Variants in PAPOLB observed in about 807,000 individuals in gnomAD.
PAPOLB encodes the protein PAP-beta.
In PAPOLB, 19 loss-of-function variants were observed where a neutral mutation model predicts 23.2. The observed-to-expected ratio is 0.82, with a 90% CI of 0.57 to 1.20. The LOEUF is 1.20. Ranked by LOEUF, PAPOLB falls within the 50% of genes most tolerant of loss-of-function variation. PAPOLB has a pLI of 0.00. For synonymous variants in PAPOLB, 360 were observed against 290.7 expected (o/e 1.24, Z -2.43); for missense variants, 822 against 776.8 (o/e 1.06, Z -0.69).
chr7:4,860,770 A>T lies in PAPOLB; in HGVS notation c.1041T>A (p.Ala347=). ...TACTTAGCAAAATCTCGTGTGTGAT[A>T]GCAAGCCCCTGTTTAAACTCCTCAA... ...VMIEEFKQGL[A]ITHEILLSKA... Residue 347 remains alanine, a synonymous_variant, in exon 1 of 1, where the codon GCT becomes GCA. Transcript: ENST00000404991. 3 of 1,614,208 alleles carry T rather than the reference A, an allele frequency of 1.9e-6. No homozygotes were observed. Among genetic ancestry groups the T allele is most frequent in the Non-Finnish European group, 1.7e-6 (2 of 1,180,046 alleles).
rs1281495846 is a variant in PAPOLB at position 4,860,235 on chromosome 7, A to G, written c.1576T>C (p.Leu526=). ...LTDLNDSSFD[L]SAGCENSMSV... The stretch of plus-strand genomic sequence containing the variant: ...ATGCTGTTTTCACAGCCTGCAGACA[A>G]GTCAAAGCTGCTGTCGTTCAAATCT... Residue 526 remains leucine (L), a synonymous_variant, in exon 1 of 1, where the codon TTG becomes CTG. Transcript: ENST00000404991. 1 of 1,614,006 alleles carries G rather than the reference A, an allele frequency of 6.2e-7. No individual in the cohort carries two copies. The highest frequency in any genetic ancestry group is 8.5e-7 in the Non-Finnish European group (1 of 1,179,900).
chr7:4,859,242 T>G lies in PAPOLB; in HGVS notation c.*655A>C, dbSNP rs1783910739. ...AAACCTCTTCAGGGAAAAATAAAATTCACCAATTTGAAAAATCTAAAATTA... is the reference window on the plus strand; with the variant it reads ...AAACCTCTTCAGGGAAAAATAAAATGCACCAATTTGAAAAATCTAAAATTA... On this transcript the variant is annotated 3_prime_UTR_variant, in exon 1 of 1. Transcript: ENST00000404991. 1 of 152,680 alleles carries G rather than the reference T, an allele frequency of 6.5e-6. No homozygotes were observed. The highest frequency in any genetic ancestry group is 1.5e-5 in the Non-Finnish European group (1 of 68,090). 9.5% of individuals were successfully genotyped at this position (152,680 alleles called of 1,614,324 possible).
Position 4,860,925 on chromosome 7 carries a change from G to T in PAPOLB, c.886C>A (p.Leu296Ile), listed in dbSNP as rs566900862. 175 of 1,614,252 alleles carry T rather than the reference G, an allele frequency of 1.1e-4. No homozygotes were observed. Among genetic ancestry groups the T allele is most frequent in the Admixed American group, 6.8e-4 (41 of 60,024 alleles). ...VLLKEPEERNLNLPVWDPRVN... is the reference protein window; with the variant it reads ...VLLKEPEERNINLPVWDPRVN... ...CTTGGGTCCCATACAGGCAAATTAAGATTCCGTTCTTCAGGCTCCTTCAGT... is the reference window on the plus strand; with the variant it reads ...CTTGGGTCCCATACAGGCAAATTAATATTCCGTTCTTCAGGCTCCTTCAGT... The change falls in exon 1 of 1, where the codon CTT becomes ATT. Residue 296 changes from leucine to isoleucine, a missense_variant. Around this residue, in one of 3 missense-constraint regions of PAPOLB, gnomAD observed 534 missense variants for 502.8 expected, o/e 1.06. Coordinates refer to ENST00000404991, the MANE Select transcript of PAPOLB (RefSeq NM_020144.5).
Position 4,860,297 on chromosome 7 carries a change from T to C in PAPOLB, c.1514A>G (p.Asp505Gly). 1 of 1,614,002 alleles carries C rather than the reference T, an allele frequency of 6.2e-7. No individual in the cohort carries two copies. The highest frequency in any genetic ancestry group is 8.5e-7 in the Non-Finnish European group (1 of 1,179,876). Reference sequence around the variant, plus strand: ...ACCTTCTGTTGAGTGTGCTTTCTTGTCCTGAAGCACATGATGAGGCAGCAG... The same window carrying C: ...ACCTTCTGTTGAGTGTGCTTTCTTGCCCTGAAGCACATGATGAGGCAGCAG... ...HQLLPHHVLQ[D>G]KKAHSTEGRR... Residue 505 changes from aspartate to glycine, a missense_variant, in exon 1 of 1, where the codon GAC becomes GGC. Asp to Gly is a moderately conservative substitution (Grantham distance 94). This residue lies in a region of PAPOLB where 534 missense variants were observed against 502.8 expected (regional missense o/e 1.06). Transcript: ENST00000404991.
chr7:4,861,698 A>C lies in PAPOLB; in HGVS notation c.113T>G (p.Leu38Arg), dbSNP rs1204721569. 1 of 1,578,196 alleles carries C rather than the reference A, an allele frequency of 6.3e-7. No homozygotes were observed. Among genetic ancestry groups the C allele is most frequent in the Admixed American group, 1.9e-5 (1 of 53,148 alleles). The change falls in exon 1 of 1, where the codon CTC (leucine) becomes CGC (arginine). Residue 38 changes from leucine to arginine, a missense_variant. Coordinates refer to ENST00000404991, the MANE Select transcript of PAPOLB (RefSeq NM_020144.5). ...GGTTTCTATTAGCCTCTGGGTGAGG[A>C]GGCAGTCCGTCTCCTTGGGGACCGC... ...SLAVPKETDC[L>R]LTQRLIETLR...
rs1485719437 is a variant in PAPOLB at position 4,860,549 on chromosome 7, G to C, written c.1262C>G (p.Ser421Ter). Residue 421 changes from serine to a stop codon, truncating the protein, a stop_gained, in exon 1 of 1, where the codon TCA (serine) becomes TGA (stop). Transcript: ENST00000404991. LOFTEE classifies it low-confidence loss of function (END_TRUNC). ...AGGATTTTCTTTGGGTGCTGGAAAT[G>C]ACTGTGGATTCACATGTGCCAGTGT... The part of the protein sequence containing the change: ...FITLAHVNPQ[S>*]FPAPKENPDM... 6.2e-7 allele frequency: 1 copy of C among 1,614,168 alleles called. No homozygotes were observed. Among genetic ancestry groups the C allele is most frequent in the Non-Finnish European group, 8.5e-7 (1 of 1,180,006 alleles).
At position 4,861,388 on chromosome 7, in the gene PAPOLB, C is replaced by T. The variant is rs749219869; in HGVS notation, c.423G>A (p.Gln141=). The change falls in exon 1 of 1, where the codon CAG becomes CAA. Residue 141 remains glutamine, a synonymous_variant. Coordinates refer to ENST00000404991, the MANE Select transcript of PAPOLB (RefSeq NM_020144.5). ...FTSFYAKLKL[Q]EEVKDLRAVE... ...CAGCCCTTAAATCTTTCACTTCCTC[C>T]TGTAGTTTCAGTTTAGCATAGAATG... 2.5e-6 allele frequency: 4 copies of T among 1,614,106 alleles called. No individual in the cohort carries two copies. Among genetic ancestry groups the T allele is most frequent in the Non-Finnish European group, 8.5e-7 (1 of 1,180,034 alleles).
At position 4,860,292 on chromosome 7, in the gene PAPOLB, T is replaced by G. The variant is rs1185876598; in HGVS notation, c.1519A>C (p.Lys507Gln). Residue 507 changes from lysine (K) to glutamine (Q), a missense_variant, in exon 1 of 1, where the codon AAA becomes CAA. This residue lies in a region of PAPOLB where 534 missense variants were observed against 502.8 expected (regional missense o/e 1.06). Transcript: ENST00000404991. ...LLPHHVLQDK[K>Q]AHSTEGRRLT... ...CTTCTACCTTCTGTTGAGTGTGCTT[T>G]CTTGTCCTGAAGCACATGATGAGGC... 1 of 1,613,828 alleles carries G rather than the reference T, an allele frequency of 6.2e-7. No individual in the cohort carries two copies. The highest frequency in any genetic ancestry group is 8.5e-7 in the Non-Finnish European group (1 of 1,179,830).
In PAPOLB at chr7:4,860,185, A is replaced by C. The variant is rs754161589; in HGVS notation, c.1626T>G (p.Thr542=). The C allele has an allele frequency of 6.2e-7, 1 of 1,614,052 alleles. No individual in the cohort carries two copies. Among genetic ancestry groups the C allele is most frequent in the Admixed American group, 1.7e-5 (1 of 60,026 alleles). Residue 542 remains threonine (T), a synonymous_variant, in exon 1 of 1, where the codon ACT becomes ACG. Coordinates refer to ENST00000404991, the MANE Select transcript of PAPOLB (RefSeq NM_020144.5). ...TGCTAATCAATGGGCCTGTCTTCATAGTGCTAGTAGATGAAGGCACAGACA... is the reference window on the plus strand; with the variant it reads ...TGCTAATCAATGGGCCTGTCTTCATCGTGCTAGTAGATGAAGGCACAGACA... ...NSMSVPSSTS[T]MKTGPLISSS... is the part of the protein sequence containing the mutation.
Position 4,861,377 on chromosome 7 carries a change from T to C in PAPOLB, c.434A>G (p.Lys145Arg), listed in dbSNP as rs1403283915. 1 of 1,614,202 alleles carries C rather than the reference T, an allele frequency of 6.2e-7. No homozygotes were observed. Among genetic ancestry groups the C allele is most frequent in the East Asian group, 2.2e-5 (1 of 44,892 alleles). Residue 145 changes from lysine (K) to arginine (R), a missense_variant, in exon 1 of 1, where the codon AAA becomes AGA. Physicochemically the swap from Lys to Arg is conservative, Grantham distance 26. This residue lies in a region of PAPOLB where 276 missense variants were observed against 243.9 expected (regional missense o/e 1.13). Transcript: ENST00000404991. ...TGCCTCCTCGACAGCCCTTAAATCTTTCACTTCCTCCTGTAGTTTCAGTTT... is the reference window on the plus strand; with the variant it reads ...TGCCTCCTCGACAGCCCTTAAATCTCTCACTTCCTCCTGTAGTTTCAGTTT... ...YAKLKLQEEVKDLRAVEEAFV... is the reference protein window; with the variant it reads ...YAKLKLQEEVRDLRAVEEAFV...
In PAPOLB at chr7:4,859,805, T is replaced by C. The variant is rs553141241; in HGVS notation, c.*92A>G. 1 of 742,252 alleles carries C rather than the reference T, an allele frequency of 1.3e-6. No homozygotes were observed. The highest frequency in any genetic ancestry group is 1.8e-5 in the African/African-American group (1 of 56,548). The allele number at this position is 742,252 out of a possible 1,614,324, so 46.0% of individuals were successfully genotyped here. A position where few individuals can be genotyped will look rare whatever the true frequency, so the allele number is the denominator to read the frequency against. ...GCTGTCTGAATTTTTCTAATGGAGT[T>C]GTACTTGTCTTTGTATTGAGTTTCT... On this transcript the variant is annotated 3_prime_UTR_variant, in exon 1 of 1. Transcript: ENST00000404991.
In PAPOLB at chr7:4,861,724, T is replaced by C; in HGVS notation, c.87A>G (p.Leu29=). The change falls in exon 1 of 1, where the codon CTA becomes CTG. Residue 29 remains leucine, a synonymous_variant. Coordinates refer to ENST00000404991, the MANE Select transcript of PAPOLB (RefSeq NM_020144.5). ...GGCAGTCCGTCTCCTTGGGGACCGC[T>C]AGACTGATAGGCGAGGAGACGCCGT... The part of the protein sequence containing the change: ...NRYGVSSPIS[L]AVPKETDCLL... The C allele has an allele frequency of 1.3e-6, 2 of 1,540,592 alleles. No homozygotes were observed. The highest frequency in any genetic ancestry group is 1.4e-5 in the African/African-American group (1 of 72,142).
In PAPOLB at chr7:4,861,183, C is replaced by G. The variant is rs1210019378; in HGVS notation, c.628G>C (p.Glu210Gln). The G allele has an allele frequency of 6.2e-7, 1 of 1,614,246 alleles. No homozygotes were observed. The highest frequency in any genetic ancestry group is 8.5e-7 in the Non-Finnish European group (1 of 1,180,030). The change falls in exon 1 of 1, where the codon GAA becomes CAA. Residue 210 changes from glutamate to glutamine, a missense_variant. Physicochemically the swap from Glu to Gln is conservative, Grantham distance 29. Coordinates refer to ENST00000404991, the MANE Select transcript of PAPOLB (RefSeq NM_020144.5). ...RSLNGCRVTD[E>Q]ILHLVPNIDN... ...ATGTTTGGCACTAGATGTAAAATTT[C>G]ATCGGTTACCCGGCAACCATTAAGG...
rs745629302 is a variant in PAPOLB at position 4,861,367 on chromosome 7, C to T, written c.444G>A (p.Arg148=). ...CTGGCACAAATGCCTCCTCGACAGC[C>T]CTTAAATCTTTCACTTCCTCCTGTA... ...LKLQEEVKDL[R]AVEEAFVPVI... The change falls in exon 1 of 1, where the codon AGG becomes AGA. Residue 148 remains arginine (R), a synonymous_variant. Coordinates refer to ENST00000404991, the MANE Select transcript of PAPOLB (RefSeq NM_020144.5). The T allele has an allele frequency of 3.1e-6, 5 of 1,614,030 alleles. No homozygotes were observed. The East Asian group carries it at 6.7e-5, about 22-fold the overall frequency.
In PAPOLB at chr7:4,858,437, T is replaced by C. The variant is rs1006698816; in HGVS notation, c.*1460A>G. On this transcript the variant is annotated 3_prime_UTR_variant, in exon 1 of 1. Transcript: ENST00000404991. ...ATGAGATTTTTTTTAACTTAAAGTA[T>C]TGCTGATCTTTTGTAGACTAAAAGA... The C allele has an allele frequency of 6.6e-6, 1 of 152,572 alleles. No individual in the cohort carries two copies. The highest frequency in any genetic ancestry group is 1.5e-5 in the Non-Finnish European group (1 of 68,030). 9.5% of individuals were successfully genotyped at this position (152,572 alleles called of 1,614,324 possible). A position where few individuals can be genotyped will look rare whatever the true frequency, so the allele number is the denominator to read the frequency against.
chr7:4,861,072 C>G lies in PAPOLB; in HGVS notation c.739G>C (p.Gly247Arg). Residue 247 changes from glycine to arginine, a missense_variant, in exon 1 of 1, where the codon GGT becomes CGT. Around this residue, in one of 3 missense-constraint regions of PAPOLB, gnomAD observed 534 missense variants for 502.8 expected, o/e 1.06. Coordinates refer to ENST00000404991, the MANE Select transcript of PAPOLB (RefSeq NM_020144.5). The stretch of plus-strand genomic sequence containing the variant: ...GCTACTAGCATGGCCCAGGAAACAC[C>G]TCCGAGGAAACCTAATATATTGGAA... ...IYSNILGFLG[G>R]VSWAMLVART... The G allele has an allele frequency of 6.2e-7, 1 of 1,614,234 alleles. No homozygotes were observed. The highest frequency in any genetic ancestry group is 8.5e-7 in the Non-Finnish European group (1 of 1,180,040).
Position 4,861,754 on chromosome 7 carries a change from A to G in PAPOLB, c.57T>C (p.Asn19=). 1 of 1,491,002 alleles carries G rather than the reference A, an allele frequency of 6.7e-7. No homozygotes were observed. Among genetic ancestry groups the G allele is most frequent in the Non-Finnish European group, 8.9e-7 (1 of 1,122,028 alleles). The allele number at this position is 1,491,002 out of a possible 1,614,324, so 92.4% of individuals were successfully genotyped here. The change falls in exon 1 of 1, where the codon AAT becomes AAC. Residue 19 remains asparagine (N), a synonymous_variant. Coordinates refer to ENST00000404991, the MANE Select transcript of PAPOLB (RefSeq NM_020144.5). ...TGATAGGCGAGGAGACGCCGTAGCGATTCGGCGGCGGCGCCGGCTGCGGTG... is the reference window on the plus strand; with the variant it reads ...TGATAGGCGAGGAGACGCCGTAGCGGTTCGGCGGCGGCGCCGGCTGCGGTG... ...QGPPQPAPPP[N]RYGVSSPISL...
chr7:4,859,530 G>A lies in PAPOLB; in HGVS notation c.*367C>T, dbSNP rs1783920480. On this transcript the variant is annotated 3_prime_UTR_variant, in exon 1 of 1. Coordinates refer to ENST00000404991, the MANE Select transcript of PAPOLB (RefSeq NM_020144.5). Reference sequence around the variant, plus strand: ...TGGACTTCTGATCAAGACTGGCTCAGTAAAGGAAGTTACCAAATGAGCCTC... The same window carrying A: ...TGGACTTCTGATCAAGACTGGCTCAATAAAGGAAGTTACCAAATGAGCCTC... 9.7e-6 allele frequency: 2 copies of A among 207,184 alleles called. No individual in the cohort carries two copies. The highest frequency in any genetic ancestry group is 2.0e-5 in the Non-Finnish European group (2 of 102,200). The allele number at this position is 207,184 out of a possible 1,614,324, so 12.8% of individuals were successfully genotyped here.
chr7:4,861,553 A>C lies in PAPOLB; in HGVS notation c.258T>G (p.Leu86=). The C allele has an allele frequency of 6.2e-7, 1 of 1,614,048 alleles. No homozygotes were observed. The change falls in exon 1 of 1, where the codon CTT becomes CTG. Residue 86 remains leucine (L), a synonymous_variant. Transcript: ENST00000404991. ...CAACGTTTTCAATTACAGACTGGGG[A>C]AGACTCTTGCTTTCACTGATTTCGC... ...WIREISESKS[L]PQSVIENVGG... is the part of the protein sequence containing the mutation.
Sources: allele counts gnomAD v4.1 joint callset, GRCh38; gene constraint gnomAD v4.1.1; regional missense constraint gnomAD v4.1.1; transcripts MANE v1.5; gene names NCBI Gene and HGNC (gene_info 2026-07-23, HGNC 2026-07-21).